The following PVT1 variants were observed in gnomAD, a reference collection of about 807,000 sequenced individuals.
The protein encoded by PVT1 is CXCR4/PVT1 fusion.
At chr8:127,954,295 CT>C (rs11387135) in intron 3 of PVT1, among the ~76,000 whole-genome samples, 3,564 of 115,918 alleles carry the variant, frequency 0.031, 116 homozygotes, top group African/African-American at 0.11. Flanking sequence ...CAAGTACCCA[CT>C]TTTTTTTTTT....
intron 2 of PVT1, among the ~76,000 whole-genome samples, chr8:127,824,146 A>C (rs554215816): frequency 6.6e-6 from 1 of 152,340 alleles, no homozygotes; most frequent in Admixed American, 6.5e-5. Flanking sequence ...GCACCACTGC[A>C]TTCCAGCCTG....
chr8:127,999,070 A>G (rs1012622823), intron 4 of PVT1: 29 of 152,344 alleles, frequency 1.9e-4, no homozygotes, highest in African/African-American at 6.3e-4. Flanking sequence ...CTCAACTGAC[A>G]GAGCAGTGAA....
rs11291041 is a variant in PVT1, at chr8:127,833,461, ATT to A, written n.372+37402_372+37403del. Among the ~76,000 whole-genome samples the A allele has an allele frequency of 2.1e-3, 305 of 148,192 alleles. 1 individual carries two copies. The highest frequency in any genetic ancestry group is 4.6e-3 in the African/African-American group (187 of 40,466). On this transcript the variant is annotated intron_variant and non_coding_transcript_variant, in intron 2 of 10. Coordinates refer to ENST00000651587, the Ensembl canonical transcript of PVT1. ...GTCTTCTCTGAAAACTGCTTTATGGATTTTTTTTTTTTTCCCAGACAGGGTCT... is the reference window on the plus strand; with the variant it reads ...GTCTTCTCTGAAAACTGCTTTATGGATTTTTTTTTTTCCCAGACAGGGTCT...
At chr8:127,915,014 G>A (rs1815965416) in intron 3 of PVT1, among the ~76,000 whole-genome samples, 1 of 151,824 alleles carries the variant, frequency 6.6e-6, no homozygotes, top group African/African-American at 2.4e-5. Flanking sequence ...TGGTAGAGAT[G>A]GGGTTTCACC....
At chr8:127,950,785 A>G (rs1286555967) in intron 3 of PVT1, among the ~76,000 whole-genome samples, 6 of 152,236 alleles carry the variant, frequency 3.9e-5, no homozygotes, top group African/African-American at 1.4e-4. Context: ...GAGGAGGTGT[A>G]GGAGGGAGGA....
chr8:128,052,548 TC>T (rs1466491470), intron 4 of PVT1, among the ~76,000 whole-genome samples: 1 of 152,232 alleles, frequency 6.6e-6, no homozygotes, highest in Non-Finnish European at 1.5e-5. Context: ...AATTGCTGTT[TC>T]TATGAAGGGA....
chr8:128,014,416 ACT>A (rs1817348980), intron 4 of PVT1, among the ~76,000 whole-genome samples: 1 of 152,156 alleles, frequency 6.6e-6, no homozygotes, highest in Admixed American at 6.5e-5. Flanking sequence ...ATATCTTCAG[ACT>A]CTCATCATTG....
intron 2 of PVT1, among the ~76,000 whole-genome samples, chr8:127,886,306 A>AT (rs1320390547): frequency 2.0e-5 from 3 of 152,172 alleles, no homozygotes; most frequent in African/African-American, 7.2e-5. Context: ...GATTTAAAAA[A>AT]ATATATATCC....
At chr8:127,974,589 A>AT in intron 3 of PVT1, among the ~76,000 whole-genome samples, 1 of 150,756 alleles carries the variant, frequency 6.6e-6, no homozygotes, top group South Asian at 2.1e-4. Context: ...TAACTTTTGT[A>AT]TTTTTTAGTA....
At chr8:127,994,076 G>A (rs536035813) in intron 4 of PVT1, among the ~76,000 whole-genome samples, 12 of 152,250 alleles carry the variant, frequency 7.9e-5, no homozygotes, top group African/African-American at 2.9e-4. Flanking sequence ...CCTGCCCTGT[G>A]CCTGCCTGTT....
At chr8:128,021,901 T>C (rs1817443173) in intron 4 of PVT1, among the ~76,000 whole-genome samples, 1 of 151,476 alleles carries the variant, frequency 6.6e-6, no homozygotes, top group South Asian at 2.1e-4. Context: ...TGAGGGAGAG[T>C]GCAGGGGTAG....
chr8:127,957,437 C>A (rs1586454976), intron 3 of PVT1, among the ~76,000 whole-genome samples: 1 of 152,090 alleles, frequency 6.6e-6, no homozygotes, highest in East Asian at 1.9e-4. Context: ...TGTGGTGGTG[C>A]AAGCCTGTAC....
intron 2 of PVT1, among the ~76,000 whole-genome samples, chr8:127,877,838 A>C (rs567270569): frequency 2.9e-4 from 44 of 151,988 alleles, no homozygotes; most frequent in Non-Finnish European, 5.6e-4. Flanking sequence ...AGGTGGGAGA[A>C]TTGCTTGAGC....
At chr8:128,012,596 T>C (rs1383243462) in intron 4 of PVT1, among the ~76,000 whole-genome samples, 2 of 152,188 alleles carry the variant, frequency 1.3e-5, no homozygotes, top group Non-Finnish European at 2.9e-5. Context: ...AAGGAGTTCT[T>C]GCAGAGTTGA....
chr8:127,845,589 A>G (rs1314793955), intron 2 of PVT1, among the ~76,000 whole-genome samples: 3 of 152,204 alleles, frequency 2.0e-5, no homozygotes, highest in Non-Finnish European at 4.4e-5. Flanking sequence ...TTGACCCCAA[A>G]CATACTTATA....
chr8:127,894,206 G>C (rs1387910264), intron 3 of PVT1, among the ~76,000 whole-genome samples: 3 of 152,152 alleles, frequency 2.0e-5, no homozygotes, highest in Admixed American at 2.0e-4. Context: ...GAGATGGCCT[G>C]GCATCTTGGA....
chr8:128,006,151 A>T (rs899552785), intron 4 of PVT1, among the ~76,000 whole-genome samples: 2 of 141,346 alleles, frequency 1.4e-5, no homozygotes, highest in Admixed American at 7.1e-5. Flanking sequence ...ATAATAATAA[A>T]AAGATAAGGG....
chr8:127,828,839 A>G (rs1814820084), intron 2 of PVT1, among the ~76,000 whole-genome samples: 1 of 152,166 alleles, frequency 6.6e-6, no homozygotes, highest in African/African-American at 2.4e-5. Context: ...AAAAATAATT[A>G]CATGCCAGAT....
intron 2 of PVT1, among the ~76,000 whole-genome samples, chr8:127,800,113 A>C (rs1814446600): frequency 2.0e-5 from 3 of 152,190 alleles, no homozygotes; most frequent in African/African-American, 7.2e-5. Flanking sequence ...GGTGCAGAGC[A>C]CTTAGCAGAG....
Sources: gnomAD v4.1 joint callset for allele counts (sites outside exome capture counted in the v4.1 genomes callset) on GRCh38, gnomAD v4.1.1 for gene constraint, MANE v1.5 for transcripts, NCBI Gene and HGNC (gene_info 2026-07-23, HGNC 2026-07-21) for gene names.